MALT1: variants seen among roughly 807,000 people sequenced by gnomAD.
MALT1 encodes the protein mucosa-associated lymphoid tissue lymphoma translocation protein 1.
Under a neutral mutation model 85.5 loss-of-function variants are expected in MALT1, and 36 were observed. The ratio of observed to expected loss-of-function variants is 0.42; its 90% confidence interval spans 0.32 to 0.56. MALT1 has a LOEUF of 0.56. Among genes scored for constraint, MALT1 ranks in the 20% least tolerant of loss-of-function variants. The probability of loss-of-function intolerance (pLI) is 0.10; values close to 1 mark genes in which losing one functional copy is unlikely to be tolerated. For synonymous variants in MALT1, 359 were observed against 361.3 expected, an observed-to-expected ratio of 0.99 and a Z score of 0.07; for missense variants, 716 against 981.6, an observed-to-expected ratio of 0.73 and a Z score of 3.62.
chr18:58,700,591 A>C lies in MALT1; in HGVS notation c.649A>C (p.Arg217=). ...TTGCGACATCCCAGAGAGCTTCCAG[A>C]GTAAGTAACGAAAGAAGCTGAATGT... ...DVCDIPESFQ[R]SVDGVSESKL... Residue 217 remains arginine, a splice_region_variant and synonymous_variant, in exon 4 of 17, where the codon AGA becomes CGA. Transcript: ENST00000649217. 6.3e-7 allele frequency: 1 copy of C among 1,587,916 alleles called. No individual in the cohort carries two copies. Among genetic ancestry groups the C allele is most frequent in the Non-Finnish European group, 8.5e-7 (1 of 1,172,580 alleles).
At chr18:58,733,622 C>A in intron 11 of MALT1, 48 bp downstream of exon 11, 1 of 1,370,450 alleles carries the variant, frequency 7.3e-7, no homozygotes, top group Non-Finnish European at 1.0e-6. Flanking sequence ...TAAATATCGA[C>A]CATGACAAAC....
intron 4 of MALT1, among the ~76,000 whole-genome samples, chr18:58,704,026 G>T (rs967566320): frequency 3.3e-5 from 5 of 152,068 alleles, no homozygotes; most frequent in Admixed American, 3.3e-4. Flanking sequence ...CCATCTTTTT[G>T]CTGAGTAACA....
Position 58,754,233 on chromosome 18 carries a change from C to T in MALT1, c.*6391C>T, listed in dbSNP as rs1443358346. 1 of 152,142 alleles carries T rather than the reference C, an allele frequency of 6.6e-6. No homozygotes were observed. The highest frequency in any genetic ancestry group is 6.5e-5 in the Admixed American group (1 of 15,284). The allele number at this position is 152,142 out of a possible 1,614,324, so 9.4% of individuals were successfully genotyped here. A position where few individuals can be genotyped will look rare whatever the true frequency, so the allele number is the denominator to read the frequency against. On this transcript the variant is annotated 3_prime_UTR_variant, in exon 17 of 17. Transcript: ENST00000649217. ...TCCACAGTACTGCTGCTGCTTATAC[C>T]GTAACGGGAAAAGTACACAACAGTG... is the stretch of plus-strand genomic sequence containing the variant.
chr18:58,743,369 T>A (rs1309160841), intron 14 of MALT1, among the ~76,000 whole-genome samples: 4 of 152,082 alleles, frequency 2.6e-5, no homozygotes, highest in Non-Finnish European at 5.9e-5. Flanking sequence ...AGAGCAAAAC[T>A]CAGTCTCAAA....
At chr18:58,681,821 C>T (rs2054326815) in intron 2 of MALT1, among the ~76,000 whole-genome samples, 2 of 152,096 alleles carry the variant, frequency 1.3e-5, no homozygotes, top group Admixed American at 1.3e-4. Context: ...TTAACTCAAC[C>T]TTGTACTCTT....
chr18:58,676,440 C>A (rs538253886), intron 1 of MALT1, among the ~76,000 whole-genome samples: 1 of 152,264 alleles, frequency 6.6e-6, no homozygotes, highest in African/African-American at 2.4e-5. Flanking sequence ...ACTCTTCAAC[C>A]TGATATCTTC....
chr18:58,681,389 A>G, intron 2 of MALT1, 53 bp downstream of exon 2: 1 of 1,518,132 alleles, frequency 6.6e-7, no homozygotes, highest in Non-Finnish European at 8.9e-7. Context: ...CCAAACTTAG[A>G]AGAAATTATC....
chr18:58,717,654 G>A (rs1230590476), intron 9 of MALT1, among the ~76,000 whole-genome samples: 5 of 150,602 alleles, frequency 3.3e-5, no homozygotes, highest in East Asian at 3.9e-4. Context: ...GCTGAGGCAC[G>A]AGAATCACTT....
Position 58,752,677 on chromosome 18 carries a change from G to T in MALT1, c.*4835G>T. The T allele has an allele frequency of 6.6e-6, 1 of 150,888 alleles. No individual in the cohort carries two copies. 9.3% of individuals were successfully genotyped at this position (150,888 alleles called of 1,614,324 possible). On this transcript the variant is annotated 3_prime_UTR_variant, in exon 17 of 17. Transcript: ENST00000649217. ...TAACTGGGCATAGTTGCACACACCT[G>T]TAGTCCCAGCTACTCAGGAGGCTGA... is the stretch of plus-strand genomic sequence containing the variant.
chr18:58,677,250 TC>T (rs2054254389), intron 1 of MALT1, among the ~76,000 whole-genome samples: 1 of 151,972 alleles, frequency 6.6e-6, no homozygotes, highest in East Asian at 1.9e-4. Context: ...GGAAGAGAAA[TC>T]ATCTGTACTT....
intron 15 of MALT1, 23 bp from the exon 16 acceptor site, chr18:58,745,643 G>A: frequency 6.3e-7 from 1 of 1,585,466 alleles, no homozygotes; most frequent in Non-Finnish European, 8.6e-7. Flanking sequence ...ATTATTAACA[G>A]TCCCTAATTT....
chr18:58,723,349 C>A, intron 10 of MALT1, 98 bp downstream of exon 10: 3 of 825,806 alleles, frequency 3.6e-6, no homozygotes, highest in Non-Finnish European at 5.6e-6. Context: ...ATAAGGTAAA[C>A]ATGTTGTTGA....
At chr18:58,733,358 A>G in intron 10 of MALT1, 39 bp from the exon 11 acceptor site, 1 of 1,362,786 alleles carries the variant, frequency 7.3e-7, no homozygotes, top group Non-Finnish European at 1.0e-6. Context: ...GTGCATTTAG[A>G]ATTGACATCT....
intron 2 of MALT1, among the ~76,000 whole-genome samples, chr18:58,693,056 T>C (rs2054535592): frequency 6.6e-6 from 1 of 152,118 alleles, no homozygotes; most frequent in South Asian, 2.1e-4. Flanking sequence ...CTCTGTAACA[T>C]AAAAGTGCAA....
At chr18:58,676,281 A>C (rs2054238514) in intron 1 of MALT1, among the ~76,000 whole-genome samples, 1 of 152,152 alleles carries the variant, frequency 6.6e-6, no homozygotes, top group South Asian at 2.1e-4. Flanking sequence ...CTGTAATCCC[A>C]GCACTTTGGG....
At chr18:58,735,410 G>A in intron 13 of MALT1, 81 bp downstream of exon 13, 1 of 1,439,306 alleles carries the variant, frequency 6.9e-7, no homozygotes, top group Non-Finnish European at 9.2e-7. Context: ...CCTCTCTGGT[G>A]ATTGTTTTAT....
chr18:58,677,070 T>C (rs1217732873), intron 1 of MALT1, among the ~76,000 whole-genome samples: 4 of 152,162 alleles, frequency 2.6e-5, no homozygotes, highest in Non-Finnish European at 5.9e-5. Flanking sequence ...ATTAGGACTT[T>C]CAGAAACTAC....
chr18:58,706,690 G>A (rs1182874252), intron 4 of MALT1, among the ~76,000 whole-genome samples: 1 of 152,102 alleles, frequency 6.6e-6, no homozygotes, highest in Non-Finnish European at 1.5e-5. Context: ...TTTGAATTCT[G>A]TTAATCTGTT....
At chr18:58,730,716 A>G (rs1006189990) in intron 10 of MALT1, among the ~76,000 whole-genome samples, 1 of 152,162 alleles carries the variant, frequency 6.6e-6, no homozygotes, top group Admixed American at 6.5e-5. Flanking sequence ...ACTCTTTCCA[A>G]AGTTCTTACA....
Sources: allele counts gnomAD v4.1 joint callset (sites outside exome capture counted in the v4.1 genomes callset), GRCh38; gene constraint gnomAD v4.1.1; transcripts MANE v1.5; gene names NCBI Gene and HGNC (gene_info 2026-07-23, HGNC 2026-07-21).